IL27RA: variants seen among roughly 807,000 people sequenced by gnomAD.
The protein encoded by IL27RA is interleukin-27 receptor subunit alpha.
Under a neutral mutation model 80.8 loss-of-function variants are expected in IL27RA, and 61 were observed. That is an observed-to-expected ratio of 0.76 (90% CI 0.61 to 0.93). IL27RA has a LOEUF of 0.93. Ranked by LOEUF, IL27RA falls within the 40% of genes least tolerant of loss-of-function variation. The pLI is 0.00. For synonymous variants in IL27RA, 316 were observed against 332.5 expected, an observed-to-expected ratio of 0.95 and a Z score of 0.54; for missense variants, 735 against 808.1, an observed-to-expected ratio of 0.91 and a Z score of 1.10.
chr19:14,037,934 G>A (rs1330950175), intron 2 of IL27RA, among the ~76,000 whole-genome samples: 1 of 150,152 alleles, frequency 6.7e-6, no homozygotes, highest in Non-Finnish European at 1.5e-5. Flanking sequence ...TGGTTCAAGC[G>A]ATTCTCCTGC....
chr19:14,036,549 C>T (rs555483867), intron 2 of IL27RA, among the ~76,000 whole-genome samples: 71 of 144,746 alleles, frequency 4.9e-4, no homozygotes, highest in African/African-American at 1.8e-3. Flanking sequence ...AGTGCAGTGG[C>T]GCGATCTCAG....
intron 8 of IL27RA, 36 bp from the exon 9 acceptor site, chr19:14,048,945 C>T (rs1489220976): frequency 6.4e-7 from 1 of 1,572,028 alleles, no homozygotes; most frequent in Non-Finnish European, 8.8e-7. Context: ...GGAAGGAGAG[C>T]CAACTCTAAC....
chr19:14,040,062 G>A, intron 4 of IL27RA, 152 bp downstream of exon 4: 1 of 769,142 alleles, frequency 1.3e-6, no homozygotes. Context: ...CTCTTGTTCA[G>A]CTACAAATTC....
intron 6 of IL27RA, among the ~76,000 whole-genome samples, chr19:14,044,006 C>T (rs1299716412): frequency 6.9e-6 from 1 of 145,394 alleles, no homozygotes; most frequent in South Asian, 2.2e-4. Context: ...TGAGCTCGAG[C>T]CACTGCACTC....
intron 6 of IL27RA, 114 bp from the exon 7 acceptor site, chr19:14,046,040 C>G: frequency 9.4e-7 from 1 of 1,062,758 alleles, no homozygotes; most frequent in Admixed American, 2.3e-5. Flanking sequence ...AACAAACAAA[C>G]AAACAAACAA....
In IL27RA at chr19:14,039,746, T is replaced by G; in HGVS notation, c.377-7T>G. ...GGCTCACTACACCCTAGTTTCCCCT[T>G]CCCCAGTGAAGCCAAACGCCCCCCG... On this transcript the variant is annotated splice_region_variant and splice_polypyrimidine_tract_variant and intron_variant, in intron 3 of 13. Coordinates refer to ENST00000263379, the MANE Select transcript of IL27RA (RefSeq NM_004843.4). 6.2e-7 allele frequency: 1 copy of G among 1,612,930 alleles called. No homozygotes were observed. The highest frequency in any genetic ancestry group is 8.5e-7 in the Non-Finnish European group (1 of 1,179,350).
chr19:14,043,369 A>G (rs934212594), intron 6 of IL27RA, among the ~76,000 whole-genome samples: 1 of 152,048 alleles, frequency 6.6e-6, no homozygotes, highest in Non-Finnish European at 1.5e-5. Context: ...CCTGACAGCG[A>G]GACTGGAGCT....
chr19:14,051,517 G>T, intron 11 of IL27RA, 90 bp from the exon 12 acceptor site: 1 of 655,710 alleles, frequency 1.5e-6, no homozygotes, highest in South Asian at 4.8e-5. Context: ...ACTCCAGCCT[G>T]GGTGACAGGG....
At chr19:14,043,100 C>T (rs1976016347) in intron 6 of IL27RA, among the ~76,000 whole-genome samples, 1 of 152,084 alleles carries the variant, frequency 6.6e-6, no homozygotes, top group South Asian at 2.1e-4. Context: ...CGAGATCACA[C>T]CACTGCACTC....
Position 14,046,422 on chromosome 19 carries a change from C to A in IL27RA, c.953-8C>A. The A allele has an allele frequency of 6.2e-7, 1 of 1,614,118 alleles. No individual in the cohort carries two copies. The highest frequency in any genetic ancestry group is 8.5e-7 in the Non-Finnish European group (1 of 1,180,016). On this transcript the variant is annotated splice_region_variant and splice_polypyrimidine_tract_variant and intron_variant, in intron 7 of 13. Coordinates refer to ENST00000263379, the MANE Select transcript of IL27RA (RefSeq NM_004843.4). ...AGTGGGCAGCTGAGACTTCTCTCCA[C>A]CCTCCAGATTCAGCCTCTGCCCCCC...
chr19:14,039,972 T>G, intron 4 of IL27RA, 62 bp downstream of exon 4: 8 of 1,527,322 alleles, frequency 5.2e-6, no homozygotes, highest in East Asian at 2.3e-5. Context: ...CAACATCTCC[T>G]AATCTGAGAC....
intron 2 of IL27RA, among the ~76,000 whole-genome samples, chr19:14,033,392 C>G (rs953671423): frequency 7.3e-5 from 11 of 150,666 alleles, no homozygotes. Flanking sequence ...AGCCACCGTG[C>G]CTGGCCGAGA....
intron 4 of IL27RA, among the ~76,000 whole-genome samples, chr19:14,040,838 A>G (rs1568500707): frequency 6.6e-6 from 1 of 152,096 alleles, no homozygotes; most frequent in Non-Finnish European, 1.5e-5. Flanking sequence ...TCAAAAAAAA[A>G]AAGAAGAAGA....
In IL27RA at chr19:14,042,872, C is replaced by T. The variant is rs574959652; in HGVS notation, c.768+83C>T. 5.7e-5 allele frequency: 71 copies of T among 1,255,000 alleles called. No individual in the cohort carries two copies. The African/African-American group carries it at 9.0e-4, about 16-fold the overall frequency. The allele number at this position is 1,255,000 out of a possible 1,614,324, so 77.7% of individuals were successfully genotyped here. Reference sequence around the variant, plus strand: ...AATGACATAAGGCCGGATGCAGTGGCTCACGCTTGTAATCCCAACACTGCT... The same window carrying T: ...AATGACATAAGGCCGGATGCAGTGGTTCACGCTTGTAATCCCAACACTGCT... On this transcript the variant is annotated intron_variant, in intron 6 of 13. Coordinates refer to ENST00000263379, the MANE Select transcript of IL27RA (RefSeq NM_004843.4).
intron 4 of IL27RA, among the ~76,000 whole-genome samples, chr19:14,041,149 C>A (rs965947829): frequency 6.6e-6 from 1 of 151,578 alleles, no homozygotes; most frequent in African/African-American, 2.4e-5. Flanking sequence ...GTGATCCACC[C>A]ACCTGGGCCT....
chr19:14,033,084 A>G (rs1223858242), intron 2 of IL27RA, among the ~76,000 whole-genome samples: 2 of 142,294 alleles, frequency 1.4e-5, no homozygotes, highest in Non-Finnish European at 3.0e-5. Context: ...AGTTTTAGAG[A>G]GCCCGTCACT....
Position 14,042,529 on chromosome 19 carries a change from T to C in IL27RA, c.611T>C (p.Val204Ala). 6.2e-7 allele frequency: 1 copy of C among 1,614,080 alleles called. No homozygotes were observed. Among genetic ancestry groups the C allele is most frequent in the Non-Finnish European group, 8.5e-7 (1 of 1,180,036 alleles). ...TTGGAGCTAGCCACTGGCTACAAAG[T>C]GTATGGCCGCTGCCGGATGGAGAAA... ...QDLELATGYK[V>A]YGRCRMEKEE... Residue 204 changes from valine (V) to alanine (A), a missense_variant, in exon 5 of 14, where the codon GTG becomes GCG. Transcript: ENST00000263379.
intron 2 of IL27RA, among the ~76,000 whole-genome samples, chr19:14,038,976 AAAAG>A (rs1280819518): frequency 1.3e-5 from 2 of 151,594 alleles, no homozygotes; most frequent in African/African-American, 2.4e-5. Context: ...GAAAGAAAGA[AAAAG>A]AGAGAGAGAA....
chr19:14,043,217 C>T (rs890232897), intron 6 of IL27RA, among the ~76,000 whole-genome samples: 2 of 151,936 alleles, frequency 1.3e-5, no homozygotes, highest in Admixed American at 6.6e-5. Flanking sequence ...GAGGTTGCTT[C>T]GAAGATTCAA....
Sources: gnomAD v4.1 joint callset for allele counts (sites outside exome capture counted in the v4.1 genomes callset) on GRCh38, gnomAD v4.1.1 for gene constraint, MANE v1.5 for transcripts, NCBI Gene and HGNC (gene_info 2026-07-23, HGNC 2026-07-21) for gene names.